FCHSD2: variants seen among roughly 807,000 people sequenced by gnomAD.
FCHSD2 encodes the protein F-BAR and double SH3 domains protein 2.
FCHSD2 carries 38 observed loss-of-function variants against 108.1 expected under a neutral mutation model. The observed-to-expected ratio is 0.35, with a 90% confidence interval of 0.27 to 0.46. FCHSD2 has a LOEUF of 0.46. Among genes scored for constraint, FCHSD2 ranks in the 20% least tolerant of loss-of-function variants. The probability of loss-of-function intolerance (pLI) is 1.00; values close to 1 mark genes in which losing one functional copy is unlikely to be tolerated. For synonymous variants in FCHSD2, 279 were observed against 314.7 expected, an observed-to-expected ratio of 0.89 and a Z score of 1.20; for missense variants, 751 against 897.8, an observed-to-expected ratio of 0.84 and a Z score of 2.09.
intron 9 of FCHSD2, among the ~76,000 whole-genome samples, chr11:72,914,297 G>A (rs1316016753): frequency 1.3e-5 from 2 of 152,138 alleles, no homozygotes; most frequent in Non-Finnish European, 2.9e-5. Context: ...TTACAGGTGT[G>A]AGTCAGGTGC....
intron 3 of FCHSD2, among the ~76,000 whole-genome samples, chr11:73,031,037 A>G (rs1565375825): frequency 1.3e-5 from 2 of 152,168 alleles, no homozygotes; most frequent in African/African-American, 4.8e-5. Flanking sequence ...CTTAAAAAAA[A>G]GGGAGATCCT....
intron 8 of FCHSD2, among the ~76,000 whole-genome samples, chr11:72,973,321 C>T (rs1289348262): frequency 1.3e-5 from 2 of 150,990 alleles, no homozygotes; most frequent in African/African-American, 4.9e-5. Context: ...GAGACGAGAT[C>T]GTGCCATTGC....
chr11:72,942,110 G>A (rs1856431621), intron 8 of FCHSD2, among the ~76,000 whole-genome samples: 1 of 152,202 alleles, frequency 6.6e-6, no homozygotes, highest in Admixed American at 6.5e-5. Flanking sequence ...GGGTGTCTGT[G>A]TCATGGCAGC....
At chr11:72,874,841 T>C (rs1174386050) in intron 12 of FCHSD2, among the ~76,000 whole-genome samples, 2 of 152,240 alleles carry the variant, frequency 1.3e-5, no homozygotes, top group African/African-American at 2.4e-5. Context: ...TGAATTTTCA[T>C]GATTTGCCAA....
At position 72,977,771 on chromosome 11, in the gene FCHSD2, T is replaced by C. The variant is rs192892249; in HGVS notation, c.705+6317A>G. On this transcript the variant is annotated intron_variant, in intron 8 of 19. Coordinates refer to ENST00000409418, the MANE Select transcript of FCHSD2 (RefSeq NM_014824.3). Reference sequence around the variant, plus strand: ...CCATTGGGGCGATTCCTCAAGGATCTAGAACTAGAAATACCATTTGACCGA... The same window carrying C: ...CCATTGGGGCGATTCCTCAAGGATCCAGAACTAGAAATACCATTTGACCGA... 2.6e-3 allele frequency among the ~76,000 whole-genome samples: 398 copies of C among 152,372 alleles called. 1 individual carries two copies. The highest frequency in any genetic ancestry group is 4.5e-3 in the Non-Finnish European group (306 of 68,040).
chr11:73,049,236 G>A (rs1448705338), intron 3 of FCHSD2, among the ~76,000 whole-genome samples: 2 of 152,062 alleles, frequency 1.3e-5, no homozygotes, highest in Non-Finnish European at 2.9e-5. Context: ...TAACACAGTT[G>A]AGTGCCCAGT....
intron 4 of FCHSD2, among the ~76,000 whole-genome samples, chr11:73,008,836 T>C (rs919917955): frequency 2.6e-5 from 4 of 151,684 alleles, no homozygotes; most frequent in African/African-American, 7.3e-5. Flanking sequence ...ATTTCAGATA[T>C]GAAGAGATCT....
intron 3 of FCHSD2, among the ~76,000 whole-genome samples, chr11:73,069,579 T>A (rs1367979357): frequency 6.6e-6 from 1 of 151,992 alleles, no homozygotes; most frequent in Non-Finnish European, 1.5e-5. Context: ...AGTTGGAAGT[T>A]CAAACTGGTT....
Position 72,841,454 on chromosome 11 carries a change from C to T in FCHSD2, c.2056G>A (p.Glu686Lys), listed in dbSNP as rs760347351. The T allele has an allele frequency of 1.2e-6, 2 of 1,610,400 alleles. No homozygotes were observed. Among genetic ancestry groups the T allele is most frequent in the Admixed American group, 1.7e-5 (1 of 59,468 alleles). The change falls in exon 18 of 20, where the codon GAA becomes AAA. Residue 686 changes from glutamate (E) to lysine (K), a missense_variant and splice_region_variant. Coordinates refer to ENST00000409418, the MANE Select transcript of FCHSD2 (RefSeq NM_014824.3). The stretch of plus-strand genomic sequence containing the variant: ...GACCCATGCCCAGGAGAACCCTTAC[C>T]GTTTGCTGAAGGAGACCGGGGAAAG... ...LYFPRSPSAN[E>K]KSLHAESPGF...
intron 2 of FCHSD2, among the ~76,000 whole-genome samples, chr11:73,095,910 TAA>T (rs1047605369): frequency 6.4e-5 from 9 of 141,084 alleles, no homozygotes; most frequent in African/African-American, 1.0e-4. Context: ...GGCTGAGGAT[TAA>T]AAAAAAAAAA....
intron 8 of FCHSD2, among the ~76,000 whole-genome samples, chr11:72,944,492 G>A (rs1249085684): frequency 6.6e-6 from 1 of 152,148 alleles, no homozygotes; most frequent in African/African-American, 2.4e-5. Flanking sequence ...ACTGGCACAA[G>A]ACAGGGATGC....
intron 3 of FCHSD2, among the ~76,000 whole-genome samples, chr11:73,057,932 T>G (rs1591520202): frequency 6.7e-6 from 1 of 150,296 alleles, no homozygotes; most frequent in East Asian, 2.0e-4. Context: ...CAGGCTGGAG[T>G]GCAGTGGCAC....
intron 8 of FCHSD2, among the ~76,000 whole-genome samples, chr11:72,962,691 T>C (rs1283879774): frequency 6.6e-6 from 1 of 151,536 alleles, no homozygotes; most frequent in East Asian, 1.9e-4. Flanking sequence ...CTGGAAAAGA[T>C]GGTTAAACAA....
At chr11:73,047,863 T>TTGTTATCTCATTTAAA (rs1858804588) in intron 3 of FCHSD2, among the ~76,000 whole-genome samples, 1 of 152,186 alleles carries the variant, frequency 6.6e-6, no homozygotes, top group South Asian at 2.1e-4. Flanking sequence ...GCTAATGACT[T>TTGTTATCTCATTTAAA]TGTTATCTCA....
chr11:73,009,901 G>C (rs1004721572), intron 4 of FCHSD2, among the ~76,000 whole-genome samples: 3 of 152,006 alleles, frequency 2.0e-5, no homozygotes, highest in African/African-American at 7.2e-5. Flanking sequence ...CATTTCATCT[G>C]CCTGGGGGGG....
intron 8 of FCHSD2, among the ~76,000 whole-genome samples, chr11:72,934,129 A>AG (rs1326558288): frequency 6.6e-6 from 1 of 151,160 alleles, no homozygotes; most frequent in Non-Finnish European, 1.5e-5. Context: ...AAAAAAAAAA[A>AG]AAAAAGAGCT....
intron 16 of FCHSD2, 148 bp from the exon 17 acceptor site, chr11:72,842,989 CTT>C: frequency 1.2e-6 from 1 of 865,922 alleles, no homozygotes; most frequent in Non-Finnish European, 1.8e-6. Context: ...GAATGATTAA[CTT>C]TAGGGTTCTA....
At chr11:73,108,082 C>T (rs1162797005) in intron 2 of FCHSD2, among the ~76,000 whole-genome samples, 2 of 149,782 alleles carry the variant, frequency 1.3e-5, no homozygotes, top group Non-Finnish European at 2.9e-5. Context: ...GTGTTTGTTA[C>T]TGTCTGTCTT....
At chr11:73,045,798 T>C (rs1858749000) in intron 3 of FCHSD2, among the ~76,000 whole-genome samples, 1 of 151,786 alleles carries the variant, frequency 6.6e-6, no homozygotes, top group African/African-American at 2.4e-5. Context: ...GGGATAGCAT[T>C]GGGAGATATA....
Sources: gnomAD v4.1 joint callset for allele counts (sites outside exome capture counted in the v4.1 genomes callset) on GRCh38, gnomAD v4.1.1 for gene constraint, MANE v1.5 for transcripts, NCBI Gene and HGNC (gene_info 2026-07-23, HGNC 2026-07-21) for gene names.